The following PDE7A variants were observed in gnomAD, a reference collection of about 807,000 sequenced individuals.
PDE7A encodes the protein phosphodiesterase 7A, also known as high affinity 3',5'-cyclic-AMP phosphodiesterase 7A.
In PDE7A, 39 loss-of-function variants were observed where a neutral mutation model predicts 64.3. The ratio of observed to expected loss-of-function variants is 0.61; its 90% confidence interval spans 0.47 to 0.79. PDE7A has a LOEUF of 0.79. Among genes scored for constraint, PDE7A ranks in the 30% least tolerant of loss-of-function variants. PDE7A has a pLI of 0.00. For synonymous variants in PDE7A, 203 were observed against 206.8 expected, an observed-to-expected ratio of 0.98 and a Z score of 0.16; for missense variants, 470 against 582.8, an observed-to-expected ratio of 0.81 and a Z score of 1.99.
chr8:65,754,513 T>C (rs1310904574), intron 3 of PDE7A, among the ~76,000 whole-genome samples: 1 of 151,636 alleles, frequency 6.6e-6, no homozygotes, highest in East Asian at 2.0e-4. Flanking sequence ...AATTTTTGTA[T>C]TTTTAGTAGA....
chr8:65,832,182 A>G (rs1246948822), intron 1 of PDE7A, among the ~76,000 whole-genome samples: 2 of 152,196 alleles, frequency 1.3e-5, no homozygotes, highest in Admixed American at 1.3e-4. Context: ...TGGATATACA[A>G]TATAGAAATA....
intron 7 of PDE7A, among the ~76,000 whole-genome samples, chr8:65,734,575 C>T (rs1299224007): frequency 1.3e-5 from 2 of 152,168 alleles, no homozygotes; most frequent in South Asian, 4.1e-4. Flanking sequence ...CTGGCCCTTG[C>T]TTGGGCTTCT....
At chr8:65,722,469 A>G (rs1363678652) in intron 12 of PDE7A, 2 of 152,186 alleles carry the variant, frequency 1.3e-5, no homozygotes, top group Non-Finnish European at 2.9e-5. Context: ...GTTTCTGGAA[A>G]CTTCATCTTT....
rs1296989857 is a variant in PDE7A at position 65,793,414 on chromosome 8, AT to A, written c.139-10572del. ...GCTGAATTTCAAAAATTTAAAAAAA[AT>A]TGTCTGCATTTTGATATACAATAAA... On this transcript the variant is annotated intron_variant, in intron 1 of 12. Coordinates refer to ENST00000401827, the MANE Select transcript of PDE7A (RefSeq NM_001242318.3). 2.0e-5 allele frequency among the ~76,000 whole-genome samples: 3 copies of A among 152,294 alleles called. No homozygotes were observed. In the South Asian group the frequency reaches 6.2e-4, roughly 32 times the overall value.
intron 1 of PDE7A, among the ~76,000 whole-genome samples, chr8:65,806,828 C>A (rs1235425148): frequency 6.6e-6 from 1 of 152,190 alleles, no homozygotes; most frequent in Non-Finnish European, 1.5e-5. Context: ...CCTTGGTACC[C>A]TTGTCAAAAA....
At chr8:65,771,375 C>A in intron 3 of PDE7A, 1 of 152,194 alleles carries the variant, frequency 6.6e-6, no homozygotes, top group Non-Finnish European at 1.5e-5. Context: ...ATTTCAACAT[C>A]TAAAAAAAAA....
At chr8:65,742,425 C>T (rs1163287195) in intron 5 of PDE7A, among the ~76,000 whole-genome samples, 1 of 152,206 alleles carries the variant, frequency 6.6e-6, no homozygotes, top group Non-Finnish European at 1.5e-5. Flanking sequence ...CAGACAATAA[C>T]TACTTCCCTC....
At chr8:65,754,737 C>T (rs947679567) in intron 3 of PDE7A, among the ~76,000 whole-genome samples, 1 of 150,276 alleles carries the variant, frequency 6.7e-6, no homozygotes, top group Non-Finnish European at 1.5e-5. Context: ...GAGGCTGAGG[C>T]GAGTGGATCA....
intron 1 of PDE7A, among the ~76,000 whole-genome samples, chr8:65,810,176 G>A (rs575252825): frequency 2.7e-4 from 41 of 152,244 alleles, no homozygotes; most frequent in Admixed American, 1.6e-3. Flanking sequence ...CACAAAAAAG[G>A]ATGAGTTCCT....
At chr8:65,835,599 GAAGAGGAGGGAAGAGAAAAGAAGA>G (rs1810932646) in intron 1 of PDE7A, among the ~76,000 whole-genome samples, 1 of 152,144 alleles carries the variant, frequency 6.6e-6, no homozygotes, top group African/African-American at 2.4e-5. Flanking sequence ...AATAGTGAAG[GAAGAGGAGGGAAGAGAAAAGAAGA>G]GAAGAGTTGA....
chr8:65,736,604 A>C (rs907258064), intron 6 of PDE7A, among the ~76,000 whole-genome samples: 4 of 151,814 alleles, frequency 2.6e-5, no homozygotes, highest in Non-Finnish European at 5.9e-5. Flanking sequence ...ATAAAAATGT[A>C]GTCTGGTGTG....
intron 5 of PDE7A, 55 bp from the exon 6 acceptor site, chr8:65,739,652 T>C (rs1807319647): frequency 1.4e-5 from 19 of 1,360,498 alleles, no homozygotes; most frequent in Non-Finnish European, 1.4e-5. Flanking sequence ...AACACAATTA[T>C]ATTATGCTTT....
chr8:65,725,153 C>T (rs953897700), intron 9 of PDE7A, among the ~76,000 whole-genome samples: 3 of 151,932 alleles, frequency 2.0e-5, no homozygotes, highest in East Asian at 3.9e-4. Flanking sequence ...AATATGCAAA[C>T]ATTCCAAAAG....
intron 1 of PDE7A, among the ~76,000 whole-genome samples, chr8:65,820,600 T>C (rs961794101): frequency 5.3e-5 from 8 of 152,210 alleles, no homozygotes; most frequent in South Asian, 4.1e-4. Flanking sequence ...TGTTTTTGTC[T>C]GTCTTTTGAG....
At chr8:65,756,177 T>C (rs114437704) in intron 3 of PDE7A, among the ~76,000 whole-genome samples, 1,785 of 152,338 alleles carry the variant, frequency 0.012, 37 homozygotes, top group African/African-American at 0.041. Context: ...TGCTTCTCTC[T>C]TGCTGATTTC....
rs755881729 is a variant in PDE7A, at chr8:65,726,919, T to A, written c.876A>T (p.Leu292Phe). ...ENHHWRSAVG[L>F]LRESGLFSHL... ...GTGAGAATAAGCCTGATTCTCTCAA[T>A]AAGCCCACTGCAGATCTCCAGTGGT... Residue 292 changes from leucine (L) to phenylalanine (F), a missense_variant, in exon 9 of 13, where the codon TTA (leucine) becomes TTT (phenylalanine). Physicochemically the swap from Leu to Phe is conservative, Grantham distance 22. Transcript: ENST00000401827. 49 of 1,609,800 alleles carry A rather than the reference T, an allele frequency of 3.0e-5. No individual in the cohort carries two copies. Among genetic ancestry groups the A allele is most frequent in the Non-Finnish European group, 4.1e-5 (48 of 1,176,496 alleles).
chr8:65,831,889 C>A (rs1021661014), intron 1 of PDE7A, among the ~76,000 whole-genome samples: 1 of 152,074 alleles, frequency 6.6e-6, no homozygotes, highest in South Asian at 2.1e-4. Context: ...CATGTTAATA[C>A]AAGAATATCA....
intron 1 of PDE7A, among the ~76,000 whole-genome samples, chr8:65,819,308 G>C (rs1394852860): frequency 6.6e-6 from 1 of 152,172 alleles, no homozygotes; most frequent in African/African-American, 2.4e-5. Context: ...GAGGAGGGAG[G>C]ATCACTTAAG....
Position 65,841,398 on chromosome 8 carries a change from G to A in PDE7A, c.111C>T (p.Gly37=), listed in dbSNP as rs1811084395. The A allele has an allele frequency of 1.3e-6, 2 of 1,563,458 alleles. No homozygotes were observed. Among genetic ancestry groups the A allele is most frequent in the Non-Finnish European group, 1.7e-6 (2 of 1,159,204 alleles). Residue 37 remains glycine, a synonymous_variant, in exon 1 of 13, where the codon GGC becomes GGT. Transcript: ENST00000401827. ...GAGAGAGCTGCCGGGGATTGGGGCA[G>A]CCGAAGAGAGCGGAGCTGGAGCTGA... ...ISFSSSSALF[G]CPNPRQLSQR...
Sources: gnomAD v4.1 joint callset for allele counts (sites outside exome capture counted in the v4.1 genomes callset) on GRCh38, gnomAD v4.1.1 for gene constraint, MANE v1.5 for transcripts, NCBI Gene and HGNC (gene_info 2026-07-23, HGNC 2026-07-21) for gene names.